The following CRYL1 variants were observed in gnomAD, a reference collection of about 807,000 sequenced individuals.
CRYL1 encodes the protein crystallin lambda 1.
A neutral mutation model predicts 36.6 loss-of-function variants in CRYL1; 29 were observed. That is an observed-to-expected ratio of 0.79 (90% CI 0.59 to 1.08). CRYL1 has a LOEUF of 1.08. Ranked by LOEUF, CRYL1 falls within the 50% of genes least tolerant of loss-of-function variation. The pLI is 0.00. For synonymous variants in CRYL1, 152 were observed against 151.5 expected, an observed-to-expected ratio of 1.00 and a Z score of -0.02; for missense variants, 411 against 407.9, an observed-to-expected ratio of 1.01 and a Z score of -0.06.
rs116464388 is a variant in CRYL1, at chr13:20,435,932, C to G, written c.439-3636G>C. Among the ~76,000 whole-genome samples the G allele has an allele frequency of 0.017, 2,588 of 152,306 alleles. 50 individuals carry two copies. The highest frequency in any genetic ancestry group is 0.043 in the African/African-American group (1,779 of 41,580). The stretch of plus-strand genomic sequence containing the variant: ...CGATGCTTCATGGGTAGCCCATCCT[C>G]TCGGCGGCGCGCTCGCAGGGAGGGC... On this transcript the variant is annotated intron_variant, in intron 4 of 7. Transcript: ENST00000298248. The surrounding 1 kb of genome is among the most constrained non-coding windows in gnomAD (Gnocchi z 4.0).
intron 2 of CRYL1, 90 bp from the exon 3 acceptor site, chr13:20,489,586 G>A: frequency 6.6e-7 from 1 of 1,509,938 alleles, no homozygotes; most frequent in Non-Finnish European, 9.0e-7. Flanking sequence ...TCAGGGAAAT[G>A]CCAAGCAGAA....
chr13:20,494,045 G>A (rs1241635900), intron 2 of CRYL1, among the ~76,000 whole-genome samples: 1 of 152,192 alleles, frequency 6.6e-6, no homozygotes, highest in African/African-American at 2.4e-5. Context: ...ACTTTGTTTG[G>A]AGATTACAAC....
chr13:20,460,855 T>C (rs1177199307), intron 3 of CRYL1, among the ~76,000 whole-genome samples: 1 of 152,128 alleles, frequency 6.6e-6, no homozygotes, highest in Non-Finnish European at 1.5e-5. Context: ...AGTTAAGTAA[T>C]TTGCTAATTT....
At chr13:20,411,148 A>G (rs746372680) in intron 6 of CRYL1, among the ~76,000 whole-genome samples, 2 of 152,188 alleles carry the variant, frequency 1.3e-5, no homozygotes, top group Non-Finnish European at 2.9e-5. Context: ...TCCCAACTCC[A>G]ATCTTGATAT....
At position 20,403,934 on chromosome 13, in the gene CRYL1, C is replaced by T. The variant is rs1288001674; in HGVS notation, c.*195G>A. The T allele has an allele frequency of 8.8e-5, 37 of 422,098 alleles. No individual in the cohort carries two copies. The East Asian group carries it at 1.3e-3, about 14-fold the overall frequency. 26.1% of individuals were successfully genotyped at this position (422,098 alleles called of 1,614,324 possible). The stretch of plus-strand genomic sequence containing the variant: ...CCCCGAGAACGCAAGTGCTGCTGTG[C>T]CGCCAGGCCCAGGGCTATGATCCAA... On this transcript the variant is annotated 3_prime_UTR_variant, in exon 8 of 8. Coordinates refer to ENST00000298248, the MANE Select transcript of CRYL1 (RefSeq NM_015974.3).
Position 20,413,385 on chromosome 13 carries a change from T to G in CRYL1, c.636A>C (p.Glu212Asp), listed in dbSNP as rs1295729653. ...IISEAWRLVEEGIVSPSDLDL... is the reference protein window; with the variant it reads ...IISEAWRLVEDGIVSPSDLDL... Reference sequence around the variant, plus strand: ...CCAGGTCACTAGGAGACACGATTCCTTCCTACGTGGAGAAATTGGGCGGCA... The same window carrying G: ...CCAGGTCACTAGGAGACACGATTCCGTCCTACGTGGAGAAATTGGGCGGCA... The change falls in exon 6 of 8, where the codon GAA becomes GAC. Residue 212 changes from glutamate (E) to aspartate (D), a missense_variant and splice_region_variant. Coordinates refer to ENST00000298248, the MANE Select transcript of CRYL1 (RefSeq NM_015974.3). The G allele has an allele frequency of 2.5e-6, 4 of 1,604,992 alleles. No individual in the cohort carries two copies. The highest frequency in any genetic ancestry group is 2.6e-6 in the Non-Finnish European group (3 of 1,173,248).
In CRYL1 at chr13:20,497,306, CCG is replaced by C. The variant is rs1346839020; in HGVS notation, c.150-7812_150-7811del. On this transcript the variant is annotated intron_variant, in intron 2 of 7. Transcript: ENST00000298248. ...ACCACCATACACACAACTACACACA[CCG>C]CATATACACACTACACACACACCAC... is the stretch of plus-strand genomic sequence containing the variant. Among the ~76,000 whole-genome samples the C allele has an allele frequency of 3.7e-3, 515 of 139,810 alleles. 204 individuals are homozygous for C. Among genetic ancestry groups the C allele is most frequent in the Middle Eastern group, 0.014 (4 of 278 alleles). 91.7% of individuals were successfully genotyped at this position (139,810 alleles called of 152,430 possible).
intron 2 of CRYL1, among the ~76,000 whole-genome samples, chr13:20,491,115 C>T (rs2033503286): frequency 1.3e-5 from 2 of 152,058 alleles, no homozygotes; most frequent in African/African-American, 4.8e-5. Context: ...CCATGTTGCC[C>T]AGGTTGATCT....
At chr13:20,458,178 G>A (rs1354689462) in intron 3 of CRYL1, among the ~76,000 whole-genome samples, 1 of 152,174 alleles carries the variant, frequency 6.6e-6, no homozygotes, top group Non-Finnish European at 1.5e-5. Flanking sequence ...ACAATCAGTA[G>A]CATCTTAGAT....
intron 3 of CRYL1, among the ~76,000 whole-genome samples, chr13:20,446,757 C>T (rs2032464847): frequency 1.3e-5 from 2 of 152,126 alleles, no homozygotes; most frequent in Non-Finnish European, 2.9e-5. Flanking sequence ...TTTTGTTAAT[C>T]TCGAGGCTCT....
chr13:20,430,721 G>A (rs770301855), intron 5 of CRYL1: 79 of 985,214 alleles, frequency 8.0e-5, no homozygotes, highest in Non-Finnish European at 9.3e-5. Context: ...AGTTTACTCA[G>A]GGCGCTAAAA....
chr13:20,470,984 G>C (rs1024693354), intron 3 of CRYL1, among the ~76,000 whole-genome samples: 6 of 146,966 alleles, frequency 4.1e-5, no homozygotes, highest in South Asian at 2.1e-4. Flanking sequence ...AAAAATAAGA[G>C]CTTATAACCT....
chr13:20,419,293 T>TATC (rs1401848450), intron 5 of CRYL1, among the ~76,000 whole-genome samples: 1 of 152,040 alleles, frequency 6.6e-6, no homozygotes, highest in African/African-American at 2.4e-5. Flanking sequence ...TTAAGTTTAT[T>TATC]ATTATTATTA....
chr13:20,484,212 G>A (rs566280058), intron 3 of CRYL1, among the ~76,000 whole-genome samples: 20 of 152,248 alleles, frequency 1.3e-4, no homozygotes, highest in African/African-American at 4.6e-4. Flanking sequence ...GTATAAATCA[G>A]AAAAAGGAGC....
intron 2 of CRYL1, among the ~76,000 whole-genome samples, chr13:20,490,382 ACT>A (rs528351006): frequency 0.011 from 1,691 of 152,120 alleles, 18 homozygotes; most frequent in Middle Eastern, 0.027. Context: ...ACAGAGTGAG[ACT>A]CTGTCTTGAA....
At chr13:20,490,999 A>G (rs1021990251) in intron 2 of CRYL1, among the ~76,000 whole-genome samples, 11 of 152,234 alleles carry the variant, frequency 7.2e-5, no homozygotes, top group Non-Finnish European at 1.5e-4. Flanking sequence ...TCGACCTCCC[A>G]GGATCAAGTG....
Position 20,525,850 on chromosome 13 carries a change from C to T in CRYL1, c.-56G>A. ...CTGGGACCAGGCGCCGGCGGAGCTGCGAGCTCTGGGCTCCGGGGAGGGCGG... is the reference window on the plus strand; with the variant it reads ...CTGGGACCAGGCGCCGGCGGAGCTGTGAGCTCTGGGCTCCGGGGAGGGCGG... On this transcript the variant is annotated 5_prime_UTR_variant, in exon 1 of 8. Coordinates refer to ENST00000298248, the MANE Select transcript of CRYL1 (RefSeq NM_015974.3). This position sits in a 1 kb window ranked among gnomAD's most constrained non-coding sequence, Gnocchi z 4.3. 8.4e-7 allele frequency: 1 copy of T among 1,196,990 alleles called. No homozygotes were observed. The highest frequency in any genetic ancestry group is 1.0e-6 in the Non-Finnish European group (1 of 960,998). 74.1% of individuals were successfully genotyped at this position (1,196,990 alleles called of 1,614,324 possible).
chr13:20,485,704 A>AAAGAG (rs2033383146), intron 3 of CRYL1, among the ~76,000 whole-genome samples: 1 of 151,884 alleles, frequency 6.6e-6, no homozygotes, highest in South Asian at 2.1e-4. Context: ...AAAGAAAAGA[A>AAAGAG]AAGAAATGTG....
chr13:20,432,470 A>G (rs2032091818), intron 4 of CRYL1, among the ~76,000 whole-genome samples, 174 bp from the exon 5 acceptor site: 1 of 152,124 alleles, frequency 6.6e-6, no homozygotes, highest in African/African-American at 2.4e-5. Context: ...AGAGAGAAAA[A>G]GGGAACCTGA....
Sources: gnomAD v4.1 joint callset for allele counts (sites outside exome capture counted in the v4.1 genomes callset) on GRCh38, gnomAD v4.1.1 for gene constraint, Gnocchi (gnomAD v3.1) non-coding constraint, MANE v1.5 for transcripts, NCBI Gene and HGNC (gene_info 2026-07-23, HGNC 2026-07-21) for gene names.